The following SPIRE1 variants were observed in gnomAD, a reference collection of about 807,000 sequenced individuals.
SPIRE1 encodes spire type actin nucleation factor 1, also known as protein spire homolog 1.
Under a neutral mutation model 94.1 loss-of-function variants are expected in SPIRE1, and 40 were observed. The observed-to-expected ratio is 0.43, with a 90% CI of 0.33 to 0.55. The LOEUF (loss-of-function observed/expected upper bound fraction) is 0.55. Ranked by LOEUF, SPIRE1 falls within the 20% of genes least tolerant of loss-of-function variation. SPIRE1 has a pLI of 0.06. For missense variants in SPIRE1, 838 were observed against 975.2 expected (o/e 0.86, Z 1.87); for synonymous variants, 376 against 371.7 (o/e 1.01, Z -0.13).
intron 12 of SPIRE1, among the ~76,000 whole-genome samples, chr18:12,460,952 G>C (rs545870450): frequency 6.6e-6 from 1 of 152,126 alleles, no homozygotes; most frequent in Admixed American, 6.5e-5. Context: ...GGAGGCCTGC[G>C]TGGACTCTGC....
chr18:12,486,618 C>A (rs1477759170), intron 8 of SPIRE1, among the ~76,000 whole-genome samples: 1 of 152,198 alleles, frequency 6.6e-6, no homozygotes, highest in African/African-American at 2.4e-5. Flanking sequence ...AGGCAAGTTA[C>A]TTAACCTCTC....
At position 12,634,273 on chromosome 18, in the gene SPIRE1, AT is replaced by A. The variant is rs1178849751; in HGVS notation, c.372+788del. ...AAAATAAAAATAAAAAAAAAAAAAA[AT>A]AATAATAATAATAAACCTACTTGTA... On this transcript the variant is annotated intron_variant, in intron 2 of 16. Coordinates refer to ENST00000409402, the MANE Select transcript of SPIRE1 (RefSeq NM_001128626.2). Among the ~76,000 whole-genome samples, 8 of 145,500 alleles carry A rather than the reference AT, an allele frequency of 5.5e-5. No individual in the cohort carries two copies. The Admixed American group carries it at 5.8e-4, about 11-fold the overall frequency.
At chr18:12,551,600 G>A (rs2035351040) in intron 2 of SPIRE1, among the ~76,000 whole-genome samples, 1 of 152,034 alleles carries the variant, frequency 6.6e-6, no homozygotes, top group African/African-American at 2.4e-5. Context: ...AGCTACTCAG[G>A]AGGCTGAGGC....
intron 1 of SPIRE1, among the ~76,000 whole-genome samples, chr18:12,636,106 T>C (rs2037918304): frequency 6.6e-6 from 1 of 152,108 alleles, no homozygotes; most frequent in South Asian, 2.1e-4. Context: ...TTGGCCAGGC[T>C]GGTCTCGAAC....
At chr18:12,546,499 G>A (rs2035174236) in intron 3 of SPIRE1, among the ~76,000 whole-genome samples, 175 bp downstream of exon 3, 1 of 151,786 alleles carries the variant, frequency 6.6e-6, no homozygotes, top group Non-Finnish European at 1.5e-5. Context: ...CAGGTGTGGT[G>A]GCATACACCT....
chr18:12,615,542 C>CAAAAAAAAAAAA (rs71174108), intron 2 of SPIRE1, among the ~76,000 whole-genome samples: 13 of 75,786 alleles, frequency 1.7e-4, no homozygotes, highest in African/African-American at 5.9e-4. Context: ...TCTATCTCCA[C>CAAAAAAAAAAAA]AAAAAAAAAA....
chr18:12,580,664 C>T (rs1037405109), intron 2 of SPIRE1, among the ~76,000 whole-genome samples: 4 of 152,134 alleles, frequency 2.6e-5, no homozygotes, highest in Non-Finnish European at 5.9e-5. Flanking sequence ...TTTATCATGT[C>T]CCTCTCTTGC....
At chr18:12,455,158 G>C (rs1417167207) in intron 12 of SPIRE1, among the ~76,000 whole-genome samples, 2 of 152,120 alleles carry the variant, frequency 1.3e-5, no homozygotes, top group Non-Finnish European at 2.9e-5. Context: ...GGCTGGTCTT[G>C]AACTCCTGGG....
At chr18:12,630,849 T>TAG (rs1269746263) in intron 2 of SPIRE1, among the ~76,000 whole-genome samples, 1 of 152,132 alleles carries the variant, frequency 6.6e-6, no homozygotes, top group Non-Finnish European at 1.5e-5. Context: ...CAGCTTATAC[T>TAG]AGCAAGAGTT....
At chr18:12,614,222 T>C (rs565739525) in intron 2 of SPIRE1, among the ~76,000 whole-genome samples, 48 of 151,990 alleles carry the variant, frequency 3.2e-4, no homozygotes, top group Non-Finnish European at 6.5e-4. Flanking sequence ...GATCGTACTA[T>C]TGCACTCTAG....
chr18:12,555,768 G>C (rs1217546529), intron 2 of SPIRE1, among the ~76,000 whole-genome samples: 1 of 152,158 alleles, frequency 6.6e-6, no homozygotes, highest in East Asian at 1.9e-4. Flanking sequence ...ACACGATAAG[G>C]ATGCCCACTT....
intron 10 of SPIRE1, among the ~76,000 whole-genome samples, chr18:12,469,871 T>A (rs948251475): frequency 6.6e-6 from 1 of 151,154 alleles, no homozygotes; most frequent in Non-Finnish European, 1.5e-5. Flanking sequence ...CATTCTCTAT[T>A]TAAAAAGCAT....
intron 2 of SPIRE1, among the ~76,000 whole-genome samples, chr18:12,577,518 AAAG>A (rs1260299347): frequency 6.6e-6 from 1 of 152,192 alleles, no homozygotes; most frequent in Admixed American, 6.5e-5. Context: ...TTCTAGAAAA[AAAG>A]GAGAAAATCT....
chr18:12,630,114 A>G (rs767704330), intron 2 of SPIRE1, among the ~76,000 whole-genome samples: 2 of 152,250 alleles, frequency 1.3e-5, no homozygotes, highest in Non-Finnish European at 2.9e-5. Flanking sequence ...AATTCATAAC[A>G]TGATTTTTAT....
chr18:12,651,909 G>A (rs1009271475), intron 1 of SPIRE1, among the ~76,000 whole-genome samples: 1 of 152,028 alleles, frequency 6.6e-6, no homozygotes, highest in Non-Finnish European at 1.5e-5. Flanking sequence ...ATGCACACAG[G>A]CATTCATTGT....
At chr18:12,500,844 G>A (rs1257439437) in intron 6 of SPIRE1, among the ~76,000 whole-genome samples, 1 of 152,046 alleles carries the variant, frequency 6.6e-6, no homozygotes, top group African/African-American at 2.4e-5. Context: ...AGGCCAAGGA[G>A]GGCAGATCAC....
intron 12 of SPIRE1, chr18:12,459,654 G>A (rs1170480190): frequency 3.1e-6 from 2 of 635,140 alleles, no homozygotes; most frequent in African/African-American, 4.0e-5. Flanking sequence ...GAAGCAAAGT[G>A]CTATCTAAGC....
upstream of SPIRE1, chr18:12,658,715 CTG>C: frequency 2.4e-6 from 1 of 422,244 alleles, no homozygotes; most frequent in Non-Finnish European, 5.0e-6. Context: ...CGCGGCCGCT[CTG>C]CGCGTTTTCC....
intron 2 of SPIRE1, among the ~76,000 whole-genome samples, chr18:12,578,310 A>G (rs1465621622): frequency 2.0e-5 from 3 of 152,242 alleles, no homozygotes; most frequent in Non-Finnish European, 4.4e-5. Context: ...CTGTTCATCA[A>G]CAGATGAATG....
Sources: gnomAD v4.1 joint callset for allele counts (sites outside exome capture counted in the v4.1 genomes callset) on GRCh38, gnomAD v4.1.1 for gene constraint, MANE v1.5 for transcripts, NCBI Gene and HGNC (gene_info 2026-07-23, HGNC 2026-07-21) for gene names.